ALK: variants seen among roughly 807,000 people sequenced by gnomAD.
ALK encodes the protein ALK tyrosine kinase receptor.
ALK carries 74 observed loss-of-function variants against 163.1 expected under a neutral mutation model. That is an observed-to-expected ratio of 0.45 (90% CI 0.38 to 0.55). ALK has a LOEUF of 0.55. ALK is among the 20% of genes least tolerant of loss of function. ALK has a pLI of 0.00. For missense variants in ALK, 2,063 were observed against 2,105.3 expected (o/e 0.98, Z 0.39); for synonymous variants, 960 against 843.2 (o/e 1.14, Z -2.40).
intron 1 of ALK, among the ~76,000 whole-genome samples, chr2:29,825,061 T>C (rs536368584): frequency 3.9e-5 from 6 of 152,314 alleles, no homozygotes; most frequent in Non-Finnish European, 7.4e-5. Context: ...CTGATGGTTT[T>C]ATAAAGAGGA....
intron 14 of ALK, among the ~76,000 whole-genome samples, 180 bp from the exon 15 acceptor site, chr2:29,232,628 G>A (rs564659344): frequency 6.6e-6 from 1 of 152,298 alleles, no homozygotes; most frequent in African/African-American, 2.4e-5. Context: ...CATCGGCTCC[G>A]CCAGCTTCTC....
intron 4 of ALK, among the ~76,000 whole-genome samples, chr2:29,395,101 C>T (rs572770566): frequency 1.6e-4 from 24 of 152,170 alleles, no homozygotes; most frequent in African/African-American, 5.3e-4. Context: ...CAAATGATTC[C>T]AGCAGCCCAT....
At chr2:29,813,971 C>A (rs1246858159) in intron 1 of ALK, among the ~76,000 whole-genome samples, 1 of 152,146 alleles carries the variant, frequency 6.6e-6, no homozygotes, top group Admixed American at 6.5e-5. Context: ...CAGTAACATC[C>A]GAGAGGCTAT....
Position 29,326,530 on chromosome 2 carries a change from CAGGG to C in ALK, c.1414+1816_1414+1819del, listed in dbSNP as rs1187441882. Among the ~76,000 whole-genome samples, 1,316 of 152,306 alleles carry C rather than the reference CAGGG, an allele frequency of 8.6e-3. 31 individuals are homozygous for C. Among genetic ancestry groups the C allele is most frequent in the African/African-American group, 0.03 (1,228 of 41,566 alleles). ...AGAGACACACACACAGGCCCCTGAA[CAGGG>C]CACTGTGGGCAGGACTGGCTTCACT... On this transcript the variant is annotated intron_variant, in intron 6 of 28. Coordinates refer to ENST00000389048, the MANE Select transcript of ALK (RefSeq NM_004304.5).
intron 3 of ALK, among the ~76,000 whole-genome samples, chr2:29,657,497 A>G (rs1203032542): frequency 6.6e-6 from 1 of 152,164 alleles, no homozygotes; most frequent in East Asian, 1.9e-4. Context: ...CACCAACCAA[A>G]GGTGCCTGGG....
intron 4 of ALK, among the ~76,000 whole-genome samples, chr2:29,508,526 T>A (rs1672405574): frequency 6.6e-6 from 1 of 151,822 alleles, no homozygotes; most frequent in African/African-American, 2.4e-5. Flanking sequence ...AAGGGGAACA[T>A]CACACACTGG....
chr2:29,750,707 G>A, intron 1 of ALK, among the ~76,000 whole-genome samples: 1 of 147,716 alleles, frequency 6.8e-6, no homozygotes, highest in East Asian at 2.0e-4. Context: ...AAGGCAGGCA[G>A]GCAGGAAGGA....
At chr2:29,900,115 C>T (rs796183218) in intron 1 of ALK, among the ~76,000 whole-genome samples, 29 of 152,382 alleles carry the variant, frequency 1.9e-4, no homozygotes, top group African/African-American at 6.0e-4. Flanking sequence ...CTCTGGCCCA[C>T]GCCAATTTCC....
Position 29,282,593 on chromosome 2 carries a change from C to T in ALK, c.1818-7097G>A, listed in dbSNP as rs542884901. ...CCATCCCACTCTTAGAAGTAATTTA[C>T]CACCTCCTGCCTTGGTTTCCCCTCT... On this transcript the variant is annotated intron_variant, in intron 9 of 28. Transcript: ENST00000389048. 2.1e-4 allele frequency among the ~76,000 whole-genome samples: 32 copies of T among 152,136 alleles called. 1 individual carries two copies. The South Asian group carries it at 5.6e-3, about 27-fold the overall frequency.
intron 4 of ALK, among the ~76,000 whole-genome samples, chr2:29,420,567 GAA>G (rs1669992730): frequency 6.6e-6 from 1 of 151,418 alleles, no homozygotes; most frequent in Non-Finnish European, 1.5e-5. Context: ...TCAAAGGAGG[GAA>G]AAATCCTTTC....
intron 3 of ALK, among the ~76,000 whole-genome samples, chr2:29,626,067 T>C (rs1676185999): frequency 6.6e-6 from 1 of 152,208 alleles, no homozygotes; most frequent in Non-Finnish European, 1.5e-5. Context: ...CACACAGGGC[T>C]CTAAGAACTA....
At chr2:29,412,162 T>G (rs1350421249) in intron 4 of ALK, among the ~76,000 whole-genome samples, 1 of 152,200 alleles carries the variant, frequency 6.6e-6, no homozygotes, top group African/African-American at 2.4e-5. Flanking sequence ...GAGACACCAC[T>G]TTGATCTTGG....
chr2:29,223,719 T>C (rs1264290180), intron 19 of ALK, 191 bp from the exon 20 acceptor site: 1 of 613,972 alleles, frequency 1.6e-6, no homozygotes, highest in African/African-American at 1.8e-5. Flanking sequence ...TGATTTAAAG[T>C]AAATGCAAAG....
intron 23 of ALK, among the ~76,000 whole-genome samples, chr2:29,217,375 G>A (rs889984671): frequency 1.3e-5 from 2 of 150,878 alleles, no homozygotes; most frequent in African/African-American, 4.9e-5. Context: ...TGTCTGGGAG[G>A]GGCTGTGTGC....
chr2:29,617,620 C>T (rs1182296054), intron 3 of ALK, among the ~76,000 whole-genome samples: 1 of 152,194 alleles, frequency 6.6e-6, no homozygotes, highest in Non-Finnish European at 1.5e-5. Context: ...GTTTTAGTAA[C>T]AATCCTGCTA....
chr2:29,375,364 G>A (rs541786883), intron 5 of ALK, among the ~76,000 whole-genome samples: 1 of 151,966 alleles, frequency 6.6e-6, no homozygotes, highest in Admixed American at 6.6e-5. Flanking sequence ...TGTCTCCCAG[G>A]CTGGAGTGCA....
At chr2:29,436,012 A>G (rs970244756) in intron 4 of ALK, among the ~76,000 whole-genome samples, 1 of 152,210 alleles carries the variant, frequency 6.6e-6, no homozygotes, top group African/African-American at 2.4e-5. Context: ...TACAAATATT[A>G]TAAAACCATT....
intron 1 of ALK, among the ~76,000 whole-genome samples, chr2:29,882,217 C>T (rs1268439327): frequency 2.6e-5 from 4 of 152,134 alleles, no homozygotes; most frequent in Non-Finnish European, 4.4e-5. Context: ...TTCTAGAACT[C>T]GACTGTCAGA....
intron 1 of ALK, among the ~76,000 whole-genome samples, chr2:29,880,526 C>A (rs1215215117): frequency 6.6e-6 from 1 of 152,198 alleles, no homozygotes; most frequent in Non-Finnish European, 1.5e-5. Flanking sequence ...TAGTGGCTGT[C>A]ACCCACCCCC....
Sources: gnomAD v4.1 joint callset for allele counts (sites outside exome capture counted in the v4.1 genomes callset) on GRCh38, gnomAD v4.1.1 for gene constraint, MANE v1.5 for transcripts, NCBI Gene and HGNC (gene_info 2026-07-23, HGNC 2026-07-21) for gene names.